Variants in PTPN2 observed in about 807,000 individuals in gnomAD.
PTPN2 encodes the protein tyrosine-protein phosphatase non-receptor type 2.
Under a neutral mutation model 57.3 loss-of-function variants are expected in PTPN2, and 19 were observed. That is an observed-to-expected ratio of 0.33 (90% CI 0.23 to 0.49). PTPN2 has a LOEUF of 0.49. Ranked by LOEUF, PTPN2 falls within the 20% of genes least tolerant of loss-of-function variation. The pLI is 0.99. For synonymous variants in PTPN2, 153 were observed against 164.9 expected, an observed-to-expected ratio of 0.93 and a Z score of 0.55; for missense variants, 358 against 501.1, an observed-to-expected ratio of 0.71 and a Z score of 2.73.
chr18:12,825,192 T>A (rs998174363), intron 5 of PTPN2, among the ~76,000 whole-genome samples: 14 of 152,202 alleles, frequency 9.2e-5, no homozygotes, highest in African/African-American at 3.4e-4. Context: ...TGTATGTATG[T>A]GTGCGTGTTA....
intron 7 of PTPN2, among the ~76,000 whole-genome samples, chr18:12,813,390 C>T (rs1284299986): frequency 1.3e-5 from 2 of 152,094 alleles, no homozygotes; most frequent in African/African-American, 2.4e-5. Context: ...GCTCTGAGTG[C>T]CCTAATGTTT....
At chr18:12,858,944 C>A (rs1468933685) in intron 2 of PTPN2, among the ~76,000 whole-genome samples, 1 of 151,992 alleles carries the variant, frequency 6.6e-6, no homozygotes, top group Non-Finnish European at 1.5e-5. Flanking sequence ...GGAAATACAC[C>A]AAAATAATGG....
intron 2 of PTPN2, among the ~76,000 whole-genome samples, chr18:12,855,165 G>A (rs888406972): frequency 2.6e-5 from 4 of 152,154 alleles, no homozygotes; most frequent in Admixed American, 1.3e-4. Context: ...TGGGGAGGCT[G>A]GAGAAGAAGC....
intron 2 of PTPN2, among the ~76,000 whole-genome samples, chr18:12,850,137 T>G (rs1298299120): frequency 6.6e-6 from 1 of 152,166 alleles, no homozygotes; most frequent in Non-Finnish European, 1.5e-5. Context: ...GCTTTTTTTT[T>G]CTCATTCTCT....
At chr18:12,870,427 GTATATATATATGTGTATATATATA>G (rs1247983900) in intron 1 of PTPN2, among the ~76,000 whole-genome samples, 3 of 34,978 alleles carry the variant, frequency 8.6e-5, no homozygotes, top group Non-Finnish European at 1.2e-4. Flanking sequence ...ATATATATAC[GTATATATATATGTGTATATATATA>G]TATATATATA....
intron 1 of PTPN2, among the ~76,000 whole-genome samples, chr18:12,866,951 G>A (rs555284788): frequency 3.2e-4 from 49 of 151,912 alleles, no homozygotes; most frequent in Non-Finnish European, 6.6e-4. Flanking sequence ...GTTGCAGTGA[G>A]CCGAGATCGC....
intron 7 of PTPN2, among the ~76,000 whole-genome samples, chr18:12,805,358 G>A (rs1429800115): frequency 1.3e-5 from 2 of 151,774 alleles, no homozygotes; most frequent in African/African-American, 4.8e-5. Context: ...TCAGGTGGCT[G>A]AGGCATGAGA....
chr18:12,805,975 T>C (rs2041635006), intron 7 of PTPN2, among the ~76,000 whole-genome samples: 2 of 152,088 alleles, frequency 1.3e-5, no homozygotes, highest in Admixed American at 1.3e-4. Context: ...CTGTAAGTCC[T>C]AGCCAGAGCA....
At chr18:12,847,048 CAA>C (rs11432890) in intron 2 of PTPN2, among the ~76,000 whole-genome samples, 2 of 145,968 alleles carry the variant, frequency 1.4e-5, no homozygotes, top group South Asian at 4.3e-4. Context: ...TTTGTCAGTC[CAA>C]AAAAAAAAAA....
intron 2 of PTPN2, among the ~76,000 whole-genome samples, chr18:12,846,179 C>T (rs1160731005): frequency 6.6e-6 from 1 of 152,202 alleles, no homozygotes; most frequent in Non-Finnish European, 1.5e-5. Flanking sequence ...TGGTATATCT[C>T]ATGACTGGTC....
In PTPN2 at chr18:12,802,325, CTTATT is replaced by C. The variant is rs2041462099; in HGVS notation, c.859-179_859-175del. On this transcript the variant is annotated intron_variant, in intron 7 of 8. Transcript: ENST00000309660. ...CATACTGTAGCTTGTAACAACTATG[CTTATT>C]TTAATTTCAAAATTTTATAATAAAG... is the stretch of plus-strand genomic sequence containing the variant. Among the ~76,000 whole-genome samples the C allele has an allele frequency of 4.6e-5, 7 of 152,222 alleles. No individual in the cohort carries two copies. The South Asian group carries it at 1.4e-3, about 32-fold the overall frequency.
At chr18:12,790,330 A>G (rs1354620585), downstream of PTPN2, among the ~76,000 whole-genome samples, 2 of 152,212 alleles carry the variant, frequency 1.3e-5, no homozygotes, top group African/African-American at 4.8e-5. Context: ...GGTACTCATT[A>G]TGGTATACAA....
At chr18:12,820,482 TGA>T (rs1462202890) in intron 5 of PTPN2, among the ~76,000 whole-genome samples, 3 of 151,900 alleles carry the variant, frequency 2.0e-5, no homozygotes, top group Admixed American at 6.6e-5. Flanking sequence ...GGAAAAAAAA[TGA>T]GAGGGGAAAA....
chr18:12,833,667 G>C lies in PTPN2; in HGVS notation c.262-2626C>G, dbSNP rs560574417. Among the ~76,000 whole-genome samples the C allele has an allele frequency of 2.0e-5, 3 of 152,272 alleles. No individual in the cohort carries two copies. The East Asian group carries it at 5.8e-4, about 29-fold the overall frequency. ...AGTGAGGTAGAAGTGGAGGGATGTA[G>C]TTGGTGACTACACCACTAGAGTGAC... On this transcript the variant is annotated intron_variant, in intron 3 of 8. Transcript: ENST00000309660.
At chr18:12,848,333 C>T (rs2043281724) in intron 2 of PTPN2, among the ~76,000 whole-genome samples, 1 of 152,194 alleles carries the variant, frequency 6.6e-6, no homozygotes. Context: ...CAATTCGTAT[C>T]ATCTATAGTG....
intron 5 of PTPN2, chr18:12,819,187 G>A (rs1365178041): frequency 9.0e-7 from 1 of 1,105,544 alleles, no homozygotes; most frequent in East Asian, 2.7e-5. Flanking sequence ...AAAATACAGT[G>A]AAATAAATTT....
chr18:12,832,166 G>C (rs897092876), intron 3 of PTPN2, among the ~76,000 whole-genome samples: 3 of 152,186 alleles, frequency 2.0e-5, no homozygotes, highest in Admixed American at 6.5e-5. Context: ...ACCCGGGCTA[G>C]AGTGCAGTGT....
chr18:12,794,445 T>C lies in PTPN2; in HGVS notation c.1081A>G (p.Thr361Ala), dbSNP rs767098194. Reference protein sequence around the residue: ...KRIREDRKATTAQKVQQMKQR... With the variant: ...KRIREDRKATAAQKVQQMKQR... ...TTCATCTGCTGCACCTTCTGAGCTG[T>C]GGTGGCCTTTCTGTCCTCTCGAATA... The change falls in exon 9 of 9, where the codon ACA becomes GCA. Residue 361 changes from threonine (T) to alanine (A), a missense_variant. Around this residue, in one of 4 missense-constraint regions of PTPN2, gnomAD observed 96 missense variants for 110.8 expected, o/e 0.87. Coordinates refer to ENST00000309660, the MANE Select transcript of PTPN2 (RefSeq NM_002828.4). 1.2e-5 allele frequency: 20 copies of C among 1,614,014 alleles called. No individual in the cohort carries two copies. The highest frequency in any genetic ancestry group is 6.7e-5 in the African/African-American group (5 of 74,934).
At chr18:12,851,251 G>A (rs1408855661) in intron 2 of PTPN2, among the ~76,000 whole-genome samples, 1 of 8,568 alleles carries the variant, frequency 1.2e-4, no homozygotes, top group African/African-American at 1.8e-4. Flanking sequence ...AGGCCGAGGC[G>A]GGTGGATCAT....
Sources: allele counts gnomAD v4.1 joint callset (sites outside exome capture counted in the v4.1 genomes callset), GRCh38; gene constraint gnomAD v4.1.1; regional missense constraint gnomAD v4.1.1; transcripts MANE v1.5; gene names NCBI Gene and HGNC (gene_info 2026-07-23, HGNC 2026-07-21).